Variants in MAML1 observed in about 807,000 individuals in gnomAD.
The protein encoded by MAML1 is mastermind-like protein 1.
A neutral mutation model predicts 77.1 loss-of-function variants in MAML1; 14 were observed. The ratio of observed to expected loss-of-function variants is 0.18; its 90% CI spans 0.12 to 0.28. The LOEUF (loss-of-function observed/expected upper bound fraction) is 0.28. Among genes scored for constraint, MAML1 ranks in the 10% least tolerant of loss-of-function variants. The pLI, the probability that MAML1 is intolerant of heterozygous loss-of-function variation, is 1.00. For missense variants in MAML1, 1,217 were observed against 1,327.8 expected (o/e 0.92, Z 1.30); for synonymous variants, 516 against 551.9 (o/e 0.93, Z 0.91).
intron 2 of MAML1, among the ~76,000 whole-genome samples, chr5:179,767,150 C>T (rs1779837241): frequency 6.9e-6 from 1 of 144,602 alleles, no homozygotes. Context: ...TACAAAATTC[C>T]CTAATTTTTG....
chr5:179,752,733 A>G (rs937440970), intron 1 of MAML1, among the ~76,000 whole-genome samples: 7 of 147,608 alleles, frequency 4.7e-5, no homozygotes, highest in African/African-American at 1.8e-4. Flanking sequence ...CAGCCTCTGG[A>G]TATTACTCTT....
chr5:179,737,205 A>ATC (rs747998271), intron 1 of MAML1, among the ~76,000 whole-genome samples: 4 of 152,180 alleles, frequency 2.6e-5, no homozygotes, highest in African/African-American at 4.8e-5. Context: ...TATCACATTA[A>ATC]ACCTTGACTT....
rs1000156048 is a variant in MAML1 at position 179,733,399 on chromosome 5, A to T, written c.287A>T (p.Asp96Val). Residue 96 changes from aspartate (D) to valine (V), a missense_variant, in exon 1 of 5, where the codon GAC becomes GTC. Physicochemically the swap from Asp to Val is radical, Grantham distance 152 (BLOSUM62 -3). Coordinates refer to ENST00000292599, the MANE Select transcript of MAML1 (RefSeq NM_014757.5). ...AAPAPRLDAADGPEHGRPATH... is the reference protein window; with the variant it reads ...AAPAPRLDAAVGPEHGRPATH... ...CCGGCCCCGCGCCTGGACGCCGCTG[A>T]CGGCCCCGAGCACGGCCGCCCGGCC... The T allele has an allele frequency of 1.7e-6, 2 of 1,160,374 alleles. No homozygotes were observed. Among genetic ancestry groups the T allele is most frequent in the Non-Finnish European group, 2.1e-6 (2 of 947,660 alleles). The allele number at this position is 1,160,374 out of a possible 1,614,324, so 71.9% of individuals were successfully genotyped here. A position where few individuals can be genotyped will look rare whatever the true frequency, so the allele number is the denominator to read the frequency against.
chr5:179,745,787 G>A (rs565038273), intron 1 of MAML1, among the ~76,000 whole-genome samples: 23 of 149,672 alleles, frequency 1.5e-4, no homozygotes, highest in Admixed American at 5.4e-4. Flanking sequence ...GTGAACCCAG[G>A]AGGCGGAGCG....
At chr5:179,753,654 A>ATTTTTTTTTTTTTT (rs1209995171) in intron 1 of MAML1, among the ~76,000 whole-genome samples, 9 of 88,850 alleles carry the variant, frequency 1.0e-4, no homozygotes, top group East Asian at 3.3e-4. Flanking sequence ...TATTATTATT[A>ATTTTTTTTTTTTTT]TTTTTTTTTT....
Position 179,733,353 on chromosome 5 carries a change from A to G in MAML1, c.241A>G (p.Thr81Ala). 7.8e-7 allele frequency: 1 copy of G among 1,278,718 alleles called. No homozygotes were observed. 79.2% of individuals were successfully genotyped at this position (1,278,718 alleles called of 1,614,324 possible). A position where few individuals can be genotyped will look rare whatever the true frequency, so the allele number is the denominator to read the frequency against. ...GAAGCACAGGCAGCCGCCCGCCGCC[A>G]CGGCCCCGGCGCCCGCCGCCCCGGC... is the stretch of plus-strand genomic sequence containing the variant. Reference protein sequence around the residue: ...AGKHRQPPAATAPAPAAPAPR... With the variant: ...AGKHRQPPAAAAPAPAAPAPR... The change falls in exon 1 of 5, where the codon ACG (threonine) becomes GCG (alanine). Residue 81 changes from threonine (T) to alanine (A), a missense_variant. Thr to Ala is a moderately conservative substitution (Grantham distance 58). Transcript: ENST00000292599.
At position 179,771,223 on chromosome 5, in the gene MAML1, A is replaced by G. The variant is rs777272141; in HGVS notation, c.2048A>G (p.Gln683Arg). 12 of 1,614,058 alleles carry G rather than the reference A, an allele frequency of 7.4e-6. No homozygotes were observed. The Admixed American group carries it at 1.8e-4, about 25-fold the overall frequency. The part of the protein sequence containing the change: ...YQDPTQGSFP[Q>R]QVGQFTGSSA... ...GACCCGACACAAGGCAGCTTCCCAC[A>G]GCAGGTTGGACAGTTCACAGGTAGG... The change falls in exon 4 of 5, where the codon CAG (glutamine) becomes CGG (arginine). Residue 683 changes from glutamine (Q) to arginine (R), a missense_variant. By Grantham distance (43) the Gln-to-Arg change is conservative. Transcript: ENST00000292599. The surrounding 1 kb of genome is among the most constrained non-coding windows in gnomAD (Gnocchi z 4.7).
At chr5:179,773,524 C>CGCCCCATCGT (rs1216506206) in intron 4 of MAML1, among the ~76,000 whole-genome samples, 2 of 150,524 alleles carry the variant, frequency 1.3e-5, no homozygotes, top group Non-Finnish European at 3.0e-5. Context: ...CGCCCCATTG[C>CGCCCCATCGT]GCCCCATCGT....
intron 1 of MAML1, among the ~76,000 whole-genome samples, chr5:179,763,780 A>G (rs957328601): frequency 1.3e-5 from 2 of 151,992 alleles, no homozygotes; most frequent in African/African-American, 4.8e-5. Flanking sequence ...GCAGCCGGAG[A>G]AGCTAGCACA....
intron 1 of MAML1, among the ~76,000 whole-genome samples, chr5:179,743,350 C>A (rs569681455): frequency 1.2e-4 from 18 of 150,740 alleles, no homozygotes; most frequent in Admixed American, 6.0e-4. Flanking sequence ...CCATGCCCGA[C>A]CCCCTGCCCC....
At chr5:179,757,461 G>T (rs542376536) in intron 1 of MAML1, among the ~76,000 whole-genome samples, 2 of 152,006 alleles carry the variant, frequency 1.3e-5, no homozygotes, top group Non-Finnish European at 2.9e-5. Flanking sequence ...CCAGCTACTC[G>T]GGAGGCTGAG....
At chr5:179,751,263 G>A (rs976797607) in intron 1 of MAML1, among the ~76,000 whole-genome samples, 7 of 151,064 alleles carry the variant, frequency 4.6e-5, no homozygotes, top group East Asian at 2.0e-4. Flanking sequence ...GTGAGCCACC[G>A]TGCCCAGCTG....
intron 1 of MAML1, among the ~76,000 whole-genome samples, chr5:179,764,907 T>A (rs1779784694): frequency 6.6e-6 from 1 of 151,978 alleles, no homozygotes; most frequent in Non-Finnish European, 1.5e-5. Context: ...GAGGTTGCAG[T>A]TAGCTGAGAT....
chr5:179,767,118 T>TA (rs1554151841), intron 2 of MAML1, among the ~76,000 whole-genome samples: 1,450 of 128,568 alleles, frequency 0.011, 23 homozygotes, highest in African/African-American at 0.04. Flanking sequence ...TTTTTTTTTT[T>TA]ACTACCTTTC....
intron 1 of MAML1, among the ~76,000 whole-genome samples, chr5:179,764,041 G>A (rs1234791960): frequency 1.3e-5 from 2 of 152,202 alleles, no homozygotes; most frequent in East Asian, 3.9e-4. Flanking sequence ...TGCAGGTGAG[G>A]AAGCAGTAGA....
chr5:179,752,325 CA>C (rs1177449054), intron 1 of MAML1, among the ~76,000 whole-genome samples: 42 of 53,648 alleles, frequency 7.8e-4, no homozygotes, highest in African/African-American at 1.8e-3. Context: ...ACTCTGTCTC[CA>C]AAAAAAAAAA....
intron 1 of MAML1, among the ~76,000 whole-genome samples, chr5:179,752,641 C>G (rs1342488654): frequency 6.8e-5 from 8 of 117,526 alleles, no homozygotes; most frequent in African/African-American, 2.5e-4. Flanking sequence ...GAATCTCGCT[C>G]TGTCGCCCAG....
rs1409256986 is a variant in MAML1 at position 179,776,575 on chromosome 5, T to G, written c.*1698T>G. On this transcript the variant is annotated 3_prime_UTR_variant, in exon 5 of 5. Transcript: ENST00000292599. ...GGGTGAATCATAAAGCCAGTGAAAA[T>G]TTCACCCTCTGAGGGAGTTCCCCAA... The G allele has an allele frequency of 1.1e-5, 11 of 985,414 alleles. No individual in the cohort carries two copies. Among genetic ancestry groups the G allele is most frequent in the Non-Finnish European group, 1.3e-5 (11 of 829,934 alleles). 61.0% of individuals were successfully genotyped at this position (985,414 alleles called of 1,614,324 possible).
At chr5:179,750,238 C>T (rs1779459982) in intron 1 of MAML1, among the ~76,000 whole-genome samples, 1 of 152,190 alleles carries the variant, frequency 6.6e-6, no homozygotes, top group Non-Finnish European at 1.5e-5. Flanking sequence ...CTCTTATCTC[C>T]TGCGGATTCT....
Sources: allele counts gnomAD v4.1 joint callset (sites outside exome capture counted in the v4.1 genomes callset), GRCh38; gene constraint gnomAD v4.1.1; non-coding constraint Gnocchi (gnomAD v3.1); transcripts MANE v1.5; gene names NCBI Gene and HGNC (gene_info 2026-07-23, HGNC 2026-07-21).